DNMT3A: variants seen among roughly 807,000 people sequenced by gnomAD.
DNMT3A encodes DNA methyltransferase 3 alpha.
A neutral mutation model predicts 117.6 loss-of-function variants in DNMT3A; 267 were observed. That is an observed-to-expected ratio of 2.27 (90% CI 2.05 to 2.51). The LOEUF is 2.51. Among genes scored for constraint, DNMT3A ranks in the 30% most tolerant of loss-of-function variants. The probability of loss-of-function intolerance (pLI) is 0.00; values close to 1 mark genes in which losing one functional copy is unlikely to be tolerated. For synonymous variants in DNMT3A, 432 were observed against 474.8 expected, an observed-to-expected ratio of 0.91 and a Z score of 1.17; for missense variants, 1,029 against 1,260.2, an observed-to-expected ratio of 0.82 and a Z score of 2.78.
chr2:25,251,014 C>G (rs1275386435), intron 6 of DNMT3A, among the ~76,000 whole-genome samples: 1 of 152,220 alleles, frequency 6.6e-6, no homozygotes, highest in East Asian at 1.9e-4. Flanking sequence ...CTTCCCCCAG[C>G]TTGTCAGATG....
chr2:25,249,849 G>T, intron 6 of DNMT3A: 1 of 1,114,868 alleles, frequency 9.0e-7, no homozygotes, highest in South Asian at 1.3e-5. Flanking sequence ...AGATTTAGAG[G>T]GGAGAAAACC....
intron 6 of DNMT3A, among the ~76,000 whole-genome samples, chr2:25,250,594 A>C (rs1455355866): frequency 6.6e-6 from 1 of 152,204 alleles, no homozygotes. Flanking sequence ...GGTGCACTGA[A>C]GTGTGGACCC....
At chr2:25,276,895 C>A (rs2031460251) in intron 4 of DNMT3A, among the ~76,000 whole-genome samples, 1 of 152,274 alleles carries the variant, frequency 6.6e-6, no homozygotes, top group Non-Finnish European at 1.5e-5. Context: ...ACAGTGTTCA[C>A]GCCGCGGGTC....
At chr2:25,284,606 C>T (rs150585428) in intron 3 of DNMT3A, among the ~76,000 whole-genome samples, 3,756 of 127,452 alleles carry the variant, frequency 0.029, 162 homozygotes, top group African/African-American at 0.1. Flanking sequence ...GAAACTGCTC[C>T]ACTGCACTCC....
At chr2:25,271,348 C>T (rs944858671) in intron 6 of DNMT3A, among the ~76,000 whole-genome samples, 3 of 152,146 alleles carry the variant, frequency 2.0e-5, no homozygotes, top group African/African-American at 7.2e-5. Flanking sequence ...GAAACTCCGT[C>T]TCAAAAACAG....
rs2034829914 is a variant in DNMT3A at position 25,327,442 on chromosome 2, G to A, written c.-177-13281C>T. On this transcript the variant is annotated intron_variant, in intron 1 of 22. Transcript: ENST00000321117. The surrounding 1 kb of genome is among the most constrained non-coding windows in gnomAD (Gnocchi z 4.1). ...GAGTGCCATTGTGGAGCCGGGCCCT[G>A]GAGTGAAAGGAGACCCCTGCTTCTG... 6.6e-6 allele frequency among the ~76,000 whole-genome samples: 1 copy of A among 152,104 alleles called. No individual in the cohort carries two copies. The highest frequency in any genetic ancestry group is 6.6e-5 in the Admixed American group (1 of 15,266).
chr2:25,283,399 A>G (rs1029240459), intron 3 of DNMT3A, among the ~76,000 whole-genome samples: 1 of 146,522 alleles, frequency 6.8e-6, no homozygotes, highest in Admixed American at 6.8e-5. Context: ...TGTGCCACCC[A>G]TAATCCAATA....
chr2:25,309,952 AG>A (rs2034015180), intron 2 of DNMT3A, among the ~76,000 whole-genome samples: 1 of 152,038 alleles, frequency 6.6e-6, no homozygotes, highest in Non-Finnish European at 1.5e-5. Context: ...GCTACTCAGG[AG>A]GCTGAGGCAG....
rs2035477258 is a variant in DNMT3A at position 25,341,896 on chromosome 2, C to G, written c.-248G>C. The G allele has an allele frequency of 3.3e-5, 32 of 980,248 alleles. 2 individuals carry two copies. The South Asian group carries it at 1.3e-3, about 40-fold the overall frequency. The allele number at this position is 980,248 out of a possible 1,614,324, so 60.7% of individuals were successfully genotyped here. A position where few individuals can be genotyped will look rare whatever the true frequency, so the allele number is the denominator to read the frequency against. The stretch of plus-strand genomic sequence containing the variant: ...CCGCGGCGCCGCGTCCCGGCTCGTC[C>G]TCTGCTCTCGCCGCCGCCGCCGCCC... On this transcript the variant is annotated 5_prime_UTR_variant, in exon 1 of 23. Transcript: ENST00000321117.
At chr2:25,328,756 C>CT (rs1467545158) in intron 1 of DNMT3A, 4 of 483,196 alleles carry the variant, frequency 8.3e-6, no homozygotes, top group Non-Finnish European at 1.7e-5. Flanking sequence ...GCCCCCAAGG[C>CT]ACTGCGTCAG....
At chr2:25,319,479 C>A (rs868207789) in intron 1 of DNMT3A, among the ~76,000 whole-genome samples, 3 of 152,274 alleles carry the variant, frequency 2.0e-5, no homozygotes, top group African/African-American at 7.2e-5. Flanking sequence ...ACATATGAGG[C>A]CTCACGCTCC....
chr2:25,282,831 T>C lies in DNMT3A; in HGVS notation c.178-120A>G. 1 of 1,283,014 alleles carries C rather than the reference T, an allele frequency of 7.8e-7. No individual in the cohort carries two copies. The highest frequency in any genetic ancestry group is 1.0e-6 in the Non-Finnish European group (1 of 957,880). 79.5% of individuals were successfully genotyped at this position (1,283,014 alleles called of 1,614,324 possible). A position where few individuals can be genotyped will look rare whatever the true frequency, so the allele number is the denominator to read the frequency against. On this transcript the variant is annotated intron_variant, in intron 3 of 22. Transcript: ENST00000321117. The surrounding 1 kb of genome is among the most constrained non-coding windows in gnomAD (Gnocchi z 5.2). ...ATGCACTTTCTGTCCAGAAACTGTG[T>C]TCATATAAACCTTCATGCAAACAGA... is the stretch of plus-strand genomic sequence containing the variant.
rs556765204 is a variant in DNMT3A at position 25,254,696 on chromosome 2, C to T, written c.640-6444G>A. The stretch of plus-strand genomic sequence containing the variant: ...CCTCTTCTGCATCCATGCCGGTCAA[C>T]GGGCCTGAGAACTTACTTCAGGCCT... On this transcript the variant is annotated intron_variant, in intron 6 of 22. Coordinates refer to ENST00000321117, the MANE Select transcript of DNMT3A (RefSeq NM_022552.5). This position sits in a 1 kb window ranked among gnomAD's most constrained non-coding sequence, Gnocchi z 4.7. Among the ~76,000 whole-genome samples, 5 of 152,316 alleles carry T rather than the reference C, an allele frequency of 3.3e-5. No individual in the cohort carries two copies. The highest frequency in any genetic ancestry group is 5.9e-5 in the Non-Finnish European group (4 of 68,028).
intron 9 of DNMT3A, 76 bp downstream of exon 9, chr2:25,246,975 G>A (rs1364673005): frequency 1.3e-6 from 2 of 1,543,958 alleles, no homozygotes. Context: ...TTCTGCTCAA[G>A]CCCGACCTGC....
intron 6 of DNMT3A, among the ~76,000 whole-genome samples, chr2:25,265,756 T>G (rs889673615): frequency 6.6e-6 from 1 of 151,724 alleles, no homozygotes; most frequent in East Asian, 1.9e-4. Context: ...GAGGCAGAGG[T>G]TGCAGTGAGC....
At chr2:25,246,515 C>G (rs1433376633) in intron 10 of DNMT3A, 105 bp downstream of exon 10, 2 of 1,503,692 alleles carry the variant, frequency 1.3e-6, no homozygotes, top group Non-Finnish European at 1.8e-6. Context: ...CCACTGGGCC[C>G]CTCTGTGGAG....
In DNMT3A at chr2:25,236,879, C is replaced by T; in HGVS notation, c.2478+57G>A. 6.4e-7 allele frequency: 1 copy of T among 1,563,550 alleles called. No homozygotes were observed. The highest frequency in any genetic ancestry group is 8.7e-7 in the Non-Finnish European group (1 of 1,149,154). ...CAAGGCCCTGGCCACCGCTCCACCT[C>T]ATCCTGCCCTTCCTTCTCCCTGCCC... On this transcript the variant is annotated intron_variant, in intron 21 of 22. Transcript: ENST00000321117. The surrounding 1 kb of genome is among the most constrained non-coding windows in gnomAD (Gnocchi z 4.5).
chr2:25,248,048 GCT>G lies in DNMT3A; in HGVS notation c.842_843del (p.Glu281AlafsTer42), dbSNP rs1232566012. ...AAGAAGCCGCTCACCTCGTACTCTG[GCT>G]CGTCATCGCCTGCTTTGGTGGCATT... Reference protein sequence around the residue: ...DKNATKAGDDEPEYEDGRGFG... With the variant: ...DKNATKAGDDXPEYEDGRGFG... On this transcript the variant is annotated frameshift_variant, in exon 7 of 23. Transcript: ENST00000321117. LOFTEE classifies it high-confidence loss of function. 6.2e-7 allele frequency: 1 copy of G among 1,611,826 alleles called. No homozygotes were observed. The highest frequency in any genetic ancestry group is 1.7e-5 in the Admixed American group (1 of 59,844).
chr2:25,240,652 T>C lies in DNMT3A; in HGVS notation c.2161A>G (p.Lys721Glu). Residue 721 changes from lysine (K) to glutamate (E), a missense_variant, in exon 18 of 23, where the codon AAG becomes GAG. Transcript: ENST00000321117. The part of the protein sequence containing the change: ...NDLSIVNPAR[K>E]GLYEGTGRLF... ...GGATGGTACCTACCGTAGAGGCCCT[T>C]GCGAGCAGGGTTGACGATGGAGAGG... 1 of 1,614,198 alleles carries C rather than the reference T, an allele frequency of 6.2e-7. No homozygotes were observed. The highest frequency in any genetic ancestry group is 8.5e-7 in the Non-Finnish European group (1 of 1,180,030).
Sources: allele counts gnomAD v4.1 joint callset (sites outside exome capture counted in the v4.1 genomes callset), GRCh38; gene constraint gnomAD v4.1.1; non-coding constraint Gnocchi (gnomAD v3.1); transcripts MANE v1.5; gene names NCBI Gene and HGNC (gene_info 2026-07-23, HGNC 2026-07-21).